The following GNAQ variants were observed in gnomAD, a reference collection of about 807,000 sequenced individuals.
GNAQ encodes the protein guanine nucleotide-binding protein G(q) subunit alpha.
In GNAQ, 8 loss-of-function variants were observed where a neutral mutation model predicts 43.9. The observed-to-expected ratio is 0.18, with a 90% CI of 0.11 to 0.33. GNAQ has a LOEUF of 0.33. Among genes scored for constraint, GNAQ ranks in the 10% least tolerant of loss-of-function variants. The pLI is 1.00. For missense variants in GNAQ, 158 were observed against 450.8 expected, an observed-to-expected ratio of 0.35 and a Z score of 5.88; for synonymous variants, 155 against 170.7, an observed-to-expected ratio of 0.91 and a Z score of 0.71.
At chr9:77,957,913 T>C (rs1381877420) in intron 1 of GNAQ, among the ~76,000 whole-genome samples, 4 of 152,198 alleles carry the variant, frequency 2.6e-5, no homozygotes, top group African/African-American at 7.2e-5. Context: ...GCAACTTACA[T>C]AGTGTGGCAA....
At chr9:77,754,893 G>A (rs1274625988) in intron 5 of GNAQ, among the ~76,000 whole-genome samples, 1 of 152,158 alleles carries the variant, frequency 6.6e-6, no homozygotes, top group Non-Finnish European at 1.5e-5. Context: ...ATACCCAAAA[G>A]AAGGAAAATC....
chr9:77,830,959 C>T (rs1827288839), intron 2 of GNAQ, among the ~76,000 whole-genome samples: 1 of 152,128 alleles, frequency 6.6e-6, no homozygotes, highest in South Asian at 2.1e-4. Context: ...AATAATGCAA[C>T]ATCTTTCAGT....
chr9:77,964,515 T>C (rs1462551117), intron 1 of GNAQ, among the ~76,000 whole-genome samples: 1 of 152,184 alleles, frequency 6.6e-6, no homozygotes, highest in Non-Finnish European at 1.5e-5. Flanking sequence ...CTGAAGCATT[T>C]ATCAAGATAA....
chr9:77,821,150 T>C (rs765128977), intron 2 of GNAQ, among the ~76,000 whole-genome samples: 12 of 152,202 alleles, frequency 7.9e-5, no homozygotes, highest in Non-Finnish European at 8.8e-5. Flanking sequence ...TATTAACTCA[T>C]TATTAAGTTT....
chr9:77,752,230 T>C (rs1490026811), intron 5 of GNAQ, among the ~76,000 whole-genome samples: 2 of 152,238 alleles, frequency 1.3e-5, no homozygotes, highest in African/African-American at 4.8e-5. Context: ...GCAGTTAATG[T>C]ACCTCGGTAA....
chr9:77,995,163 T>C (rs1189402505), intron 1 of GNAQ, among the ~76,000 whole-genome samples: 2 of 152,212 alleles, frequency 1.3e-5, no homozygotes, highest in African/African-American at 4.8e-5. Context: ...ATGTATGAGA[T>C]AGCACTATTA....
intron 3 of GNAQ, among the ~76,000 whole-genome samples, chr9:77,802,095 A>C (rs571670657): frequency 6.6e-5 from 10 of 152,162 alleles, no homozygotes; most frequent in Non-Finnish European, 1.2e-4. Flanking sequence ...TGAACCTGGC[A>C]GGTAGAGGTT....
chr9:77,921,273 T>C (rs1828992558), intron 2 of GNAQ, among the ~76,000 whole-genome samples: 1 of 152,178 alleles, frequency 6.6e-6, no homozygotes, highest in Non-Finnish European at 1.5e-5. Context: ...CAAATAGATA[T>C]CCCTTCCCTT....
chr9:77,992,272 T>C (rs959711198), intron 1 of GNAQ, among the ~76,000 whole-genome samples: 1 of 152,208 alleles, frequency 6.6e-6, no homozygotes, highest in East Asian at 1.9e-4. Context: ...GCAAGAAACA[T>C]TTAAAATTGG....
intron 1 of GNAQ, among the ~76,000 whole-genome samples, chr9:77,996,110 A>G (rs1240230274): frequency 6.6e-6 from 1 of 152,202 alleles, no homozygotes. Flanking sequence ...AGCAGAGTAC[A>G]CAGGGCTTGG....
intron 3 of GNAQ, among the ~76,000 whole-genome samples, chr9:77,799,636 T>A (rs560178498): frequency 1.3e-5 from 2 of 152,344 alleles, no homozygotes; most frequent in East Asian, 3.9e-4. Context: ...CCTGGAATCA[T>A]AAAGTAGGAG....
chr9:77,893,565 T>C (rs1828439209), intron 2 of GNAQ, among the ~76,000 whole-genome samples: 1 of 152,222 alleles, frequency 6.6e-6, no homozygotes, highest in African/African-American at 2.4e-5. Context: ...GGAGTAGCCA[T>C]TCTTTACACC....
intron 1 of GNAQ, among the ~76,000 whole-genome samples, chr9:77,937,864 T>A (rs1348264997): frequency 6.6e-6 from 1 of 152,086 alleles, no homozygotes; most frequent in Non-Finnish European, 1.5e-5. Flanking sequence ...TGCACTCCAG[T>A]CTGGGCAACA....
At chr9:77,920,342 G>C (rs1033120833) in intron 2 of GNAQ, among the ~76,000 whole-genome samples, 5 of 152,088 alleles carry the variant, frequency 3.3e-5, no homozygotes, top group Non-Finnish European at 7.4e-5. Flanking sequence ...ATAAGATTTT[G>C]GGGGATAAAA....
chr9:77,806,720 T>C (rs1358930507), intron 3 of GNAQ, among the ~76,000 whole-genome samples: 2 of 152,186 alleles, frequency 1.3e-5, no homozygotes, highest in African/African-American at 2.4e-5. Flanking sequence ...ACTTCCTTTT[T>C]CCTCTATCAC....
intron 1 of GNAQ, among the ~76,000 whole-genome samples, chr9:78,025,251 A>G (rs933957328): frequency 6.6e-6 from 1 of 152,248 alleles, no homozygotes; most frequent in Non-Finnish European, 1.5e-5. Flanking sequence ...TATTTTTTAC[A>G]TATCGGTAAT....
intron 2 of GNAQ, among the ~76,000 whole-genome samples, chr9:77,858,133 T>C (rs1054351229): frequency 6.6e-6 from 1 of 152,124 alleles, no homozygotes; most frequent in Non-Finnish European, 1.5e-5. Flanking sequence ...ACCCCAACCC[T>C]GGCATGAGGA....
chr9:77,816,604 T>TAC (rs978082921), intron 2 of GNAQ, among the ~76,000 whole-genome samples: 2 of 151,608 alleles, frequency 1.3e-5, no homozygotes, highest in African/African-American at 4.9e-5. Flanking sequence ...TATATATATA[T>TAC]ACACACACAT....
chr9:77,970,427 C>A (rs1452136663), intron 1 of GNAQ, among the ~76,000 whole-genome samples: 1 of 152,132 alleles, frequency 6.6e-6, no homozygotes, highest in African/African-American at 2.4e-5. Context: ...GGAAGAGAGG[C>A]ACCTATGGCT....
Sources: allele counts gnomAD v4.1 joint callset (sites outside exome capture counted in the v4.1 genomes callset), GRCh38; gene constraint gnomAD v4.1.1; transcripts MANE v1.5; gene names NCBI Gene and HGNC (gene_info 2026-07-23, HGNC 2026-07-21).